TPRG1: variants seen among roughly 807,000 people sequenced by gnomAD.
The protein encoded by TPRG1 is tumor protein p63 regulated 1, also known as tumor protein p63-regulated gene 1 protein.
Under a neutral mutation model 29.3 loss-of-function variants are expected in TPRG1, and 29 were observed. The observed-to-expected ratio is 0.99, with a 90% CI of 0.74 to 1.35. The LOEUF is 1.35. Ranked by LOEUF, TPRG1 falls within the 40% of genes most tolerant of loss-of-function variation. The pLI is 0.00. For synonymous variants in TPRG1, 130 were observed against 116.8 expected (o/e 1.11, Z -0.73); for missense variants, 327 against 335.0 (o/e 0.98, Z 0.19).
At chr3:189,030,381 C>T (rs1713869901) in intron 4 of TPRG1, among the ~76,000 whole-genome samples, 2 of 152,174 alleles carry the variant, frequency 1.3e-5, no homozygotes, top group East Asian at 1.9e-4. Context: ...TCTGGCAATA[C>T]TATACTCCTT....
chr3:189,023,389 A>C (rs1713477780), intron 3 of TPRG1, among the ~76,000 whole-genome samples: 1 of 152,164 alleles, frequency 6.6e-6, no homozygotes, highest in African/African-American at 2.4e-5. Context: ...TTTTGCTGTC[A>C]GCTTCTGCAT....
upstream of TPRG1, among the ~76,000 whole-genome samples, chr3:189,170,935 A>G (rs1045060212): frequency 6.6e-5 from 10 of 152,248 alleles, no homozygotes; most frequent in African/African-American, 2.4e-4. Context: ...TCAAACAAAT[A>G]CAATCTGATT....
intron 1 of TPRG1, among the ~76,000 whole-genome samples, chr3:189,100,961 T>C (rs1430977663): frequency 6.6e-6 from 1 of 152,234 alleles, no homozygotes; most frequent in African/African-American, 2.4e-5. Flanking sequence ...ATGCCATGGT[T>C]TTCTAGCATC....
At chr3:189,279,646 A>C (rs1048924982) in intron 4 of TPRG1, among the ~76,000 whole-genome samples, 3 of 152,228 alleles carry the variant, frequency 2.0e-5, no homozygotes, top group Admixed American at 6.5e-5. Flanking sequence ...AATGCTGAAC[A>C]TAGTGAGCCC....
Position 189,023,011 on chromosome 3 carries a change from T to C in TPRG1, c.-659-739T>C, listed in dbSNP as rs533055060. Among the ~76,000 whole-genome samples the C allele has an allele frequency of 1.1e-4, 16 of 152,320 alleles. No homozygotes were observed. The South Asian group carries it at 3.3e-3, about 32-fold the overall frequency. On this transcript the variant is annotated intron_variant, in intron 3 of 10. Transcript: ENST00000433971. Reference sequence around the variant, plus strand: ...TTTTCCAGGTGCCGTCCGTCACCCCTTTCTTTGACTCGGAAAGGGAACTCC... The same window carrying C: ...TTTTCCAGGTGCCGTCCGTCACCCCCTTCTTTGACTCGGAAAGGGAACTCC...
At chr3:189,211,463 G>A (rs911468783) in intron 2 of TPRG1, among the ~76,000 whole-genome samples, 29 of 152,080 alleles carry the variant, frequency 1.9e-4, no homozygotes, top group African/African-American at 6.0e-4. Context: ...GTCAATTTTA[G>A]CATCATAACC....
chr3:189,056,022 TCCCTCCCTC>T (rs1158182046), intron 4 of TPRG1, among the ~76,000 whole-genome samples: 1 of 86,424 alleles, frequency 1.2e-5, no homozygotes, highest in Non-Finnish European at 2.2e-5. Context: ...CTCCCTCCCT[TCCCTCCCTC>T]CCTTCCTTCC....
intron 3 of TPRG1, 70 bp downstream of exon 3, chr3:189,215,453 A>C: frequency 8.0e-7 from 1 of 1,243,934 alleles, no homozygotes; most frequent in Non-Finnish European, 1.2e-6. Context: ...GTAGCAGAAT[A>C]GGAGATGGAC....
chr3:189,282,587 T>C (rs1717347879), intron 4 of TPRG1, among the ~76,000 whole-genome samples: 2 of 152,176 alleles, frequency 1.3e-5, no homozygotes, highest in African/African-American at 4.8e-5. Flanking sequence ...CTTTCCTCTA[T>C]TCCTCTCTCT....
intron 3 of TPRG1, among the ~76,000 whole-genome samples, chr3:189,218,596 G>A (rs945135458): frequency 1.7e-4 from 26 of 152,164 alleles, no homozygotes; most frequent in African/African-American, 6.3e-4. Context: ...CCCTTTTACT[G>A]TGTATAGCAC....
At chr3:189,096,420 G>A (rs1718683713), upstream of TPRG1, among the ~76,000 whole-genome samples, 1 of 152,190 alleles carries the variant, frequency 6.6e-6, no homozygotes, top group South Asian at 2.1e-4. Flanking sequence ...TGCTTGTAGA[G>A]CAGCTATAGA....
In TPRG1 at chr3:189,321,732, A is replaced by G. The variant is rs1724334312; in HGVS notation, c.*912A>G. 6.6e-6 allele frequency: 1 copy of G among 152,108 alleles called. No individual in the cohort carries two copies. The highest frequency in any genetic ancestry group is 2.4e-5 in the African/African-American group (1 of 41,422). The allele number at this position is 152,108 out of a possible 1,614,324, so 9.4% of individuals were successfully genotyped here. A position where few individuals can be genotyped will look rare whatever the true frequency, so the allele number is the denominator to read the frequency against. ...CTTTTGTTCAAATATATATTTTTTA[A>G]TAACAGACCTTTTTCTTCTAAAGAA... is the stretch of plus-strand genomic sequence containing the variant. On this transcript the variant is annotated 3_prime_UTR_variant, in exon 6 of 6. Transcript: ENST00000345063.
chr3:189,278,397 G>A (rs565864742), intron 4 of TPRG1, among the ~76,000 whole-genome samples: 3 of 152,262 alleles, frequency 2.0e-5, no homozygotes, highest in African/African-American at 7.2e-5. Context: ...CCAGTTCCAA[G>A]TGCTGGAAGC....
At chr3:189,218,365 C>T (rs898916803) in intron 3 of TPRG1, among the ~76,000 whole-genome samples, 1 of 152,256 alleles carries the variant, frequency 6.6e-6, no homozygotes, top group Non-Finnish European at 1.5e-5. Flanking sequence ...ATCCGCCTGC[C>T]TCGGCCTCCC....
chr3:189,236,507 T>TGGA (rs1186923012), intron 3 of TPRG1, among the ~76,000 whole-genome samples: 1 of 152,086 alleles, frequency 6.6e-6, no homozygotes, highest in Non-Finnish European at 1.5e-5. Flanking sequence ...TCTCTCAAAG[T>TGGA]GGAGGAGGAG....
chr3:189,244,227 C>T (rs897056678), intron 4 of TPRG1, among the ~76,000 whole-genome samples: 7 of 152,116 alleles, frequency 4.6e-5, no homozygotes, highest in Admixed American at 2.6e-4. Context: ...GTCAGGAGTT[C>T]GAGACCACCC....
intron 2 of TPRG1, among the ~76,000 whole-genome samples, chr3:189,001,994 A>G (rs1479820035): frequency 1.3e-5 from 2 of 152,252 alleles, no homozygotes; most frequent in Admixed American, 6.5e-5. Context: ...TCCATTTTAT[A>G]GAAGAGGAAC....
intron 1 of TPRG1, among the ~76,000 whole-genome samples, chr3:189,198,004 G>C (rs529019736): frequency 6.6e-6 from 1 of 152,222 alleles, no homozygotes; most frequent in Non-Finnish European, 1.5e-5. Flanking sequence ...CTCAGCAGGT[G>C]TGGAGGGGAT....
At chr3:189,016,048 G>C (rs1712916331) in intron 3 of TPRG1, among the ~76,000 whole-genome samples, 1 of 151,998 alleles carries the variant, frequency 6.6e-6, no homozygotes, top group South Asian at 2.1e-4. Flanking sequence ...CTTGCACCGT[G>C]TACCTGGAAA....
Sources: allele counts gnomAD v4.1 joint callset (sites outside exome capture counted in the v4.1 genomes callset), GRCh38; gene constraint gnomAD v4.1.1; transcripts MANE v1.5; gene names NCBI Gene and HGNC (gene_info 2026-07-23, HGNC 2026-07-21).